FRMD4B: variants seen among roughly 807,000 people sequenced by gnomAD.
The protein encoded by FRMD4B is FERM domain containing 4B.
In FRMD4B, 74 loss-of-function variants were observed where a neutral mutation model predicts 141.5. That is an observed-to-expected ratio of 0.52 (90% confidence interval 0.43 to 0.63). The LOEUF (loss-of-function observed/expected upper bound fraction) is 0.63. Ranked by LOEUF, FRMD4B falls within the 30% of genes least tolerant of loss-of-function variation. The probability of loss-of-function intolerance (pLI) is 0.00; values close to 1 mark genes in which losing one functional copy is unlikely to be tolerated. For missense variants in FRMD4B, 1,366 were observed against 1,253.4 expected (o/e 1.09, Z -1.36); for synonymous variants, 506 against 467.9 (o/e 1.08, Z -1.05).
rs181768599 is a variant in FRMD4B at position 69,205,191 on chromosome 3, G to T, written c.877-6417C>A. On this transcript the variant is annotated intron_variant, in intron 11 of 22. Transcript: ENST00000398540. ...CCCCCTTTTTTTTTTGTATGAGATA[G>T]GGTCTTGGTCTGTCACCTAAGCTGG... Among the ~76,000 whole-genome samples, 571 of 151,024 alleles carry T rather than the reference G, an allele frequency of 3.8e-3. 5 individuals carry two copies. Among genetic ancestry groups the T allele is most frequent in the African/African-American group, 0.013 (543 of 41,100 alleles).
At chr3:69,341,555 G>A (rs970425054) in intron 1 of FRMD4B, among the ~76,000 whole-genome samples, 1 of 152,132 alleles carries the variant, frequency 6.6e-6, no homozygotes, top group Non-Finnish European at 1.5e-5. Flanking sequence ...TGTTAATTAT[G>A]GGACACCACA....
chr3:69,364,426 A>G (rs1018009599), intron 1 of FRMD4B, among the ~76,000 whole-genome samples: 2 of 152,222 alleles, frequency 1.3e-5, no homozygotes, highest in African/African-American at 4.8e-5. Flanking sequence ...CTGGGTGCTA[A>G]TGGTATGCCA....
intron 22 of FRMD4B, among the ~76,000 whole-genome samples, chr3:69,175,724 C>G (rs920683041): frequency 2.7e-5 from 4 of 150,526 alleles, no homozygotes; most frequent in Admixed American, 1.3e-4. Flanking sequence ...GACTAAAGAA[C>G]AGAATGCGTT....
At chr3:69,245,834 G>GTTATTTTTTTT (rs2093421887) in intron 7 of FRMD4B, among the ~76,000 whole-genome samples, 1 of 78,358 alleles carries the variant, frequency 1.3e-5, no homozygotes, top group Non-Finnish European at 2.4e-5. Context: ...AGGCTAATTT[G>GTTATTTTTTTT]TTTTTTTTTT....
intron 22 of FRMD4B, among the ~76,000 whole-genome samples, chr3:69,173,818 C>T (rs1160754737): frequency 6.6e-6 from 1 of 152,144 alleles, no homozygotes; most frequent in African/African-American, 2.4e-5. Flanking sequence ...GGGATTCAGA[C>T]AAATATTTTG....
rs1032317905 is a variant in FRMD4B, at chr3:69,171,476, A to C, written c.*385T>G. ...TCTCATCCTGCTGAATTGTGCTCTG[A>C]GATTTCCCCTGTTCTTATTGCCATG... On this transcript the variant is annotated 3_prime_UTR_variant, in exon 23 of 23. Coordinates refer to ENST00000398540, the MANE Select transcript of FRMD4B (RefSeq NM_015123.3). 3 of 167,132 alleles carry C rather than the reference A, an allele frequency of 1.8e-5. No homozygotes were observed. Among genetic ancestry groups the C allele is most frequent in the Non-Finnish European group, 3.8e-5 (3 of 78,002 alleles). The allele number at this position is 167,132 out of a possible 1,614,324, so 10.4% of individuals were successfully genotyped here.
intron 5 of FRMD4B, among the ~76,000 whole-genome samples, chr3:69,265,030 C>T (rs1367721929): frequency 1.3e-5 from 2 of 151,614 alleles, no homozygotes; most frequent in Admixed American, 1.3e-4. Flanking sequence ...CAGAGGCAGG[C>T]GGATCATGAG....
intron 12 of FRMD4B, 88 bp from the exon 13 acceptor site, chr3:69,197,126 A>C (rs1403298673): frequency 1.0e-6 from 1 of 1,004,068 alleles, no homozygotes; most frequent in Non-Finnish European, 1.5e-6. Context: ...GTAACAAAGC[A>C]TGTTCCTCTT....
At chr3:69,337,777 A>C (rs74420772) in intron 1 of FRMD4B, among the ~76,000 whole-genome samples, 1 of 152,044 alleles carries the variant, frequency 6.6e-6, no homozygotes, top group East Asian at 1.9e-4. Flanking sequence ...ACACCAGTTA[A>C]AATGGCAATC....
intron 1 of FRMD4B, among the ~76,000 whole-genome samples, chr3:69,525,983 T>C (rs186751594): frequency 2.0e-5 from 3 of 152,236 alleles, no homozygotes; most frequent in South Asian, 2.1e-4. Context: ...AAAACCACCA[T>C]AGCAGGTGCT....
At chr3:69,480,535 C>T (rs1333417487) in intron 1 of FRMD4B, among the ~76,000 whole-genome samples, 2 of 152,222 alleles carry the variant, frequency 1.3e-5, no homozygotes, top group East Asian at 3.9e-4. Context: ...TTTCGTGAAC[C>T]GTGAAAGCTG....
At position 69,322,594 on chromosome 3, in the gene FRMD4B, C is replaced by CTTTT. The variant is rs771521331; in HGVS notation, c.163-9081_163-9078dup. ...TCATTGTTTAGATTTTTCTCTCTCT[C>CTTTT]TTTTTTTTTTTTTTTTTTTTGAGAC... is the stretch of plus-strand genomic sequence containing the variant. On this transcript the variant is annotated intron_variant, in intron 1 of 22. Transcript: ENST00000398540. Among the ~76,000 whole-genome samples, 664 of 81,344 alleles carry CTTTT rather than the reference C, an allele frequency of 8.2e-3. 11 individuals are homozygous for CTTTT. Among genetic ancestry groups the CTTTT allele is most frequent in the African/African-American group, 0.023 (643 of 27,620 alleles). 53.4% of individuals were successfully genotyped at this position (81,344 alleles called of 152,430 possible).
At chr3:69,320,467 C>T (rs1701960150) in intron 1 of FRMD4B, among the ~76,000 whole-genome samples, 1 of 152,076 alleles carries the variant, frequency 6.6e-6, no homozygotes, top group South Asian at 2.1e-4. Context: ...GTGGTGTGTG[C>T]CTGTAGTCCC....
At chr3:69,439,457 C>T (rs1226824458) in intron 1 of FRMD4B, among the ~76,000 whole-genome samples, 1 of 152,042 alleles carries the variant, frequency 6.6e-6, no homozygotes, top group African/African-American at 2.4e-5. Flanking sequence ...GTCCAATCCT[C>T]CAAGGTATTA....
intron 1 of FRMD4B, among the ~76,000 whole-genome samples, chr3:69,482,565 A>C (rs1203012467): frequency 6.6e-6 from 1 of 152,250 alleles, no homozygotes; most frequent in Non-Finnish European, 1.5e-5. Context: ...GCAATGCTCT[A>C]ACATCTTCCT....
intron 1 of FRMD4B, among the ~76,000 whole-genome samples, chr3:69,468,875 G>C (rs1464271868): frequency 1.3e-5 from 2 of 152,240 alleles, no homozygotes; most frequent in East Asian, 3.9e-4. Context: ...TTTGAGTCCA[G>C]GTATCTGTTA....
chr3:69,412,072 A>T (rs781042803), intron 2 of FRMD4B, among the ~76,000 whole-genome samples: 1 of 152,202 alleles, frequency 6.6e-6, no homozygotes, highest in Non-Finnish European at 1.5e-5. Context: ...TTTCATCTAT[A>T]AATTTATTAA....
intron 7 of FRMD4B, among the ~76,000 whole-genome samples, chr3:69,239,389 G>A (rs960366544): frequency 2.0e-5 from 3 of 152,276 alleles, no homozygotes; most frequent in Middle Eastern, 3.4e-3. Context: ...CATGCTTGAT[G>A]GGGATCAACT....
intron 1 of FRMD4B, among the ~76,000 whole-genome samples, chr3:69,477,907 T>G (rs1172643395): frequency 2.0e-5 from 3 of 152,100 alleles, no homozygotes; most frequent in Non-Finnish European, 2.9e-5. Flanking sequence ...ATTCAGAGAT[T>G]CAACTTCTTC....
Sources: gnomAD v4.1 joint callset for allele counts (sites outside exome capture counted in the v4.1 genomes callset) on GRCh38, gnomAD v4.1.1 for gene constraint, MANE v1.5 for transcripts, NCBI Gene and HGNC (gene_info 2026-07-23, HGNC 2026-07-21) for gene names.